The following FRMD4A variants were observed in gnomAD, a reference collection of about 807,000 sequenced individuals.
The protein encoded by FRMD4A is FERM domain containing 4A, also known as FERM domain-containing protein 4A.
A neutral mutation model predicts 129.1 loss-of-function variants in FRMD4A; 29 were observed. That is an observed-to-expected ratio of 0.22 (90% CI 0.17 to 0.31). The LOEUF (loss-of-function observed/expected upper bound fraction) is 0.31, where lower values mean the gene tolerates loss of function less well. FRMD4A is among the 10% of genes least tolerant of loss of function. FRMD4A has a pLI of 1.00. For synonymous variants in FRMD4A, 634 were observed against 571.6 expected, an observed-to-expected ratio of 1.11 and a Z score of -1.56; for missense variants, 1,272 against 1,375.8, an observed-to-expected ratio of 0.92 and a Z score of 1.19.
chr10:14,196,449 G>A (rs1297479956), intron 2 of FRMD4A, among the ~76,000 whole-genome samples: 1 of 152,064 alleles, frequency 6.6e-6, no homozygotes, highest in Non-Finnish European at 1.5e-5. Context: ...GCACCTGAAG[G>A]GCATAAGTTA....
At chr10:13,707,485 G>A (rs543868900) in intron 12 of FRMD4A, 158 of 1,014,224 alleles carry the variant, frequency 1.6e-4, no homozygotes, top group Admixed American at 2.1e-4. Flanking sequence ...GACCCAGCAG[G>A]GAAGGCGGCG....
rs1317801312 is a variant in FRMD4A, at chr10:13,651,927, G to T, written c.3098C>A (p.Pro1033His). Residue 1033 changes from proline (P) to histidine (H), a missense_variant, in exon 24 of 25, where the codon CCT becomes CAT. Around this residue, in one of 2 missense-constraint regions of FRMD4A, gnomAD observed 972 missense variants for 892.3 expected, o/e 1.09. Coordinates refer to ENST00000357447, the MANE Select transcript of FRMD4A (RefSeq NM_018027.5). ...CCTCTATTCATCAGTACTTTGGTGA[G>T]GTGGAGACTCAGACCCATCCAGAAT... ...SPILDGSESP[P>H]HQSTDE 1 of 1,589,998 alleles carries T rather than the reference G, an allele frequency of 6.3e-7. No individual in the cohort carries two copies. The highest frequency in any genetic ancestry group is 2.2e-5 in the East Asian group (1 of 44,746).
chr10:14,128,154 A>C (rs1281114205), intron 2 of FRMD4A, among the ~76,000 whole-genome samples: 1 of 147,390 alleles, frequency 6.8e-6, no homozygotes, highest in Non-Finnish European at 1.5e-5. Flanking sequence ...CTCAGACTGG[A>C]GTGCAGTGGT....
intron 2 of FRMD4A, among the ~76,000 whole-genome samples, chr10:14,068,950 G>A (rs114852962): frequency 0.012 from 1,628 of 140,782 alleles, 24 homozygotes; most frequent in African/African-American, 0.038. Flanking sequence ...AATACGTCTC[G>A]AATGTTTTGT....
At chr10:13,744,710 T>C (rs2135065159) in intron 9 of FRMD4A, 1 of 152,264 alleles carries the variant, frequency 6.6e-6, no homozygotes, top group Middle Eastern at 3.4e-3. Context: ...AGCTCCTTAG[T>C]TCAGGAATGA....
chr10:14,076,165 C>A (rs1835589946), intron 2 of FRMD4A, among the ~76,000 whole-genome samples: 1 of 152,170 alleles, frequency 6.6e-6, no homozygotes, highest in African/African-American at 2.4e-5. Context: ...ACCCAGCCAT[C>A]CACAGCTATG....
chr10:14,125,757 A>G (rs1589029379), intron 2 of FRMD4A, among the ~76,000 whole-genome samples: 2 of 151,934 alleles, frequency 1.3e-5, no homozygotes, highest in South Asian at 4.1e-4. Flanking sequence ...ACTCATGCGC[A>G]CGCGCACACA....
At chr10:13,667,872 C>T (rs186381769) in intron 17 of FRMD4A, 1 of 152,198 alleles carries the variant, frequency 6.6e-6, no homozygotes, top group Admixed American at 6.5e-5. Context: ...GGCAGCTTCT[C>T]AAGGCCAGGG....
At chr10:13,714,058 A>ATG (rs2088510735) in intron 12 of FRMD4A, among the ~76,000 whole-genome samples, 4 of 122,102 alleles carry the variant, frequency 3.3e-5, no homozygotes, top group Non-Finnish European at 6.6e-5. Flanking sequence ...ATATATATAT[A>ATG]TAAAATATAC....
intron 2 of FRMD4A, among the ~76,000 whole-genome samples, chr10:14,312,001 T>C (rs762065405): frequency 5.9e-5 from 9 of 152,208 alleles, no homozygotes; most frequent in Non-Finnish European, 1.2e-4. Flanking sequence ...TATTCATAGA[T>C]GAAATTTCAA....
chr10:14,209,942 G>A (rs1354302427), intron 2 of FRMD4A, among the ~76,000 whole-genome samples: 1 of 152,084 alleles, frequency 6.6e-6, no homozygotes, highest in African/African-American at 2.4e-5. Context: ...GAAGATGGAA[G>A]CAGAGATTGG....
At chr10:13,862,783 C>T (rs927994053) in intron 2 of FRMD4A, among the ~76,000 whole-genome samples, 3 of 152,152 alleles carry the variant, frequency 2.0e-5, no homozygotes, top group Non-Finnish European at 4.4e-5. Context: ...GTATCCTGTT[C>T]TTATCATCAG....
chr10:13,948,894 C>T (rs2095352402), intron 2 of FRMD4A, among the ~76,000 whole-genome samples: 2 of 151,818 alleles, frequency 1.3e-5, no homozygotes, highest in Admixed American at 6.6e-5. Flanking sequence ...TCGTGGTCTG[C>T]CCGCCTCGGC....
chr10:14,211,825 A>G (rs1194311268), intron 2 of FRMD4A, among the ~76,000 whole-genome samples: 1 of 152,252 alleles, frequency 6.6e-6, no homozygotes, highest in Non-Finnish European at 1.5e-5. Context: ...ATTATAGCAC[A>G]TTATAAACCC....
Position 13,783,543 on chromosome 10 carries a change from C to T in FRMD4A, c.300-537G>A, listed in dbSNP as rs374893218. ...GAGACTACAGTTGCATACCACCACG[C>T]CTAATTTTTTTTTTTTTTTGTAGAT... On this transcript the variant is annotated intron_variant, in intron 5 of 24. Transcript: ENST00000357447. Among the ~76,000 whole-genome samples the T allele has an allele frequency of 3.0e-3, 443 of 150,032 alleles. 3 individuals are homozygous for T. Among genetic ancestry groups the T allele is most frequent in the African/African-American group, 0.01 (416 of 40,622 alleles).
At chr10:14,004,378 A>G (rs1433303496) in intron 2 of FRMD4A, among the ~76,000 whole-genome samples, 2 of 152,298 alleles carry the variant, frequency 1.3e-5, no homozygotes, top group East Asian at 1.9e-4. Flanking sequence ...CCCCGTCTCT[A>G]CTAAAAATAT....
intron 2 of FRMD4A, among the ~76,000 whole-genome samples, chr10:13,867,056 C>T (rs1345914436): frequency 6.6e-6 from 1 of 152,124 alleles, no homozygotes; most frequent in African/African-American, 2.4e-5. Context: ...TTTTGTGGGA[C>T]TAGAGCAGCT....
In FRMD4A at chr10:14,128,046, C is replaced by CTCTTTCTTTCTTTCTTTCTCTCTT. The variant is rs1839006980; in HGVS notation, c.45+202011_45+202012insAAGAGAGAAAGAAAGAAAGAAAGA. 5.8e-4 allele frequency among the ~76,000 whole-genome samples: 45 copies of CTCTTTCTTTCTTTCTTTCTCTCTT among 78,060 alleles called. 1 individual carries two copies. Among genetic ancestry groups the CTCTTTCTTTCTTTCTTTCTCTCTT allele is most frequent in the African/African-American group, 2.3e-3 (43 of 18,772 alleles). The allele number at this position is 78,060 out of a possible 152,430, so 51.2% of individuals were successfully genotyped here. On this transcript the variant is annotated intron_variant, in intron 2 of 24. Coordinates refer to ENST00000357447, the MANE Select transcript of FRMD4A (RefSeq NM_018027.5). ...TTCCTTCCTTCCTTCCTTTCTTTCC[C>CTCTTTCTTTCTTTCTTTCTCTCTT]TCTTTCTTTCTTTCTTTCTTTCTTT...
chr10:13,893,192 A>G (rs2094720556), intron 2 of FRMD4A, among the ~76,000 whole-genome samples: 1 of 151,990 alleles, frequency 6.6e-6, no homozygotes, highest in African/African-American at 2.4e-5. Flanking sequence ...ACACCCCACC[A>G]CACGCTGCTA....
Sources: gnomAD v4.1 joint callset for allele counts (sites outside exome capture counted in the v4.1 genomes callset) on GRCh38, gnomAD v4.1.1 for gene constraint, gnomAD v4.1.1 regional missense constraint, MANE v1.5 for transcripts, NCBI Gene and HGNC (gene_info 2026-07-23, HGNC 2026-07-21) for gene names.